The following EXD2 variants were observed in gnomAD, a reference collection of about 807,000 sequenced individuals.
The protein encoded by EXD2 is exonuclease 3'-5' domain containing 2, also known as exonuclease 3'-5' domain-containing protein 2.
A neutral mutation model predicts 62.5 loss-of-function variants in EXD2; 40 were observed. That is an observed-to-expected ratio of 0.64 (90% CI 0.50 to 0.83). The LOEUF is 0.83. EXD2 is among the 40% of genes least tolerant of loss of function. The probability of loss-of-function intolerance (pLI) is 0.00; values close to 1 mark genes in which losing one functional copy is unlikely to be tolerated. For missense variants in EXD2, 671 were observed against 761.8 expected (o/e 0.88, Z 1.40); for synonymous variants, 239 against 291.9 (o/e 0.82, Z 1.85).
intron 1 of EXD2, among the ~76,000 whole-genome samples, chr14:69,193,012 G>A (rs951530652): frequency 2.6e-5 from 4 of 151,658 alleles, no homozygotes; most frequent in African/African-American, 9.7e-5. Context: ...ATTTAGGAAT[G>A]CCAAACTGCC....
chr14:69,208,233 C>T (rs573188914), intron 2 of EXD2, among the ~76,000 whole-genome samples: 1,042 of 96,258 alleles, frequency 0.011, 24 homozygotes, highest in African/African-American at 0.043. Context: ...TTTTTTGAGA[C>T]GGAGTCTCAC....
rs370603900 is a variant in EXD2 at position 69,230,437 on chromosome 14, C to T, written c.591-35C>T. ...GATTTTCTTGTCCATGTCCTTTGCC[C>T]GTTTTTGATGCATGGTTTTCTTTGT... is the stretch of plus-strand genomic sequence containing the variant. On this transcript the variant is annotated intron_variant, in intron 4 of 9. Coordinates refer to ENST00000685843, the MANE Select transcript of EXD2 (RefSeq NM_001193360.2). 1.2e-5 allele frequency: 18 copies of T among 1,507,876 alleles called. No individual in the cohort carries two copies. In the African/African-American group the frequency reaches 1.2e-4, roughly 10 times the overall value. The allele number at this position is 1,507,876 out of a possible 1,614,324, so 93.4% of individuals were successfully genotyped here. A position where few individuals can be genotyped will look rare whatever the true frequency, so the allele number is the denominator to read the frequency against.
chr14:69,231,280 T>G (rs2140013179), intron 5 of EXD2, among the ~76,000 whole-genome samples: 1 of 152,298 alleles, frequency 6.6e-6, no homozygotes, highest in Non-Finnish European at 1.5e-5. Context: ...GCAACCACTT[T>G]CATTTCTTTC....
At chr14:69,209,824 TAA>T (rs199733370) in intron 3 of EXD2, 21 bp downstream of exon 3, 30,840 of 1,011,174 alleles carry the variant, frequency 0.03, no homozygotes, top group South Asian at 0.04. Context: ...AAGCAAAAGT[TAA>T]AAAAAAAAAA....
At chr14:69,206,642 A>G (rs1242449510) in intron 2 of EXD2, among the ~76,000 whole-genome samples, 3 of 151,420 alleles carry the variant, frequency 2.0e-5, no homozygotes, top group Non-Finnish European at 4.4e-5. Flanking sequence ...CACCACGCCC[A>G]GCTAATTTTT....
Position 69,209,949 on chromosome 14 carries a change from A to C in EXD2, c.333+146A>C, listed in dbSNP as rs1413924495. On this transcript the variant is annotated intron_variant, in intron 3 of 9. Coordinates refer to ENST00000685843, the MANE Select transcript of EXD2 (RefSeq NM_001193360.2). ...CTTGCTTATAAGCAGATTTTAGCAGAAGAAGAAGCTGCTGTTCCTCTCAGG... is the reference window on the plus strand; with the variant it reads ...CTTGCTTATAAGCAGATTTTAGCAGCAGAAGAAGCTGCTGTTCCTCTCAGG... The C allele has an allele frequency of 4.8e-6, 3 of 630,466 alleles. No individual in the cohort carries two copies. In the East Asian group the frequency reaches 8.9e-5, roughly 19 times the overall value. The allele number at this position is 630,466 out of a possible 1,614,324, so 39.1% of individuals were successfully genotyped here.
Position 69,241,340 on chromosome 14 carries a change from G to T in EXD2, c.*240G>T. The stretch of plus-strand genomic sequence containing the variant: ...CCTCTCATTTTTGTGGACAAGAGAG[G>T]CCTTCGCCTTTATTTTTACTCTCCC... On this transcript the variant is annotated 3_prime_UTR_variant, in exon 10 of 10. Transcript: ENST00000685843. The T allele has an allele frequency of 2.2e-6, 1 of 464,402 alleles. No individual in the cohort carries two copies. Among genetic ancestry groups the T allele is most frequent in the South Asian group, 4.1e-5 (1 of 24,490 alleles). The allele number at this position is 464,402 out of a possible 1,614,324, so 28.8% of individuals were successfully genotyped here. A position where few individuals can be genotyped will look rare whatever the true frequency, so the allele number is the denominator to read the frequency against.
intron 1 of EXD2, among the ~76,000 whole-genome samples, chr14:69,201,935 G>A (rs1273105459): frequency 6.6e-6 from 1 of 151,870 alleles, no homozygotes; most frequent in Non-Finnish European, 1.5e-5. Context: ...ACCTGCCTCG[G>A]CCTCCCAAAG....
chr14:69,236,669 T>C, intron 8 of EXD2, 127 bp downstream of exon 8: 1 of 1,250,332 alleles, frequency 8.0e-7, no homozygotes, highest in East Asian at 2.3e-5. Context: ...GTTCCTAGTA[T>C]CCAGCTTCCC....
intron 1 of EXD2, among the ~76,000 whole-genome samples, chr14:69,201,752 G>T (rs1016153956): frequency 7.0e-6 from 1 of 142,140 alleles, no homozygotes; most frequent in African/African-American, 2.7e-5. Flanking sequence ...GTGCAATCTC[G>T]GCTTACTGCA....
chr14:69,213,379 T>C (rs1220155208), intron 3 of EXD2, among the ~76,000 whole-genome samples: 1,683 of 19,184 alleles, frequency 0.088, 30 homozygotes, highest in African/African-American at 0.37. Flanking sequence ...GGCCCTTTTT[T>C]TTTTTTTTTT....
Position 69,229,034 on chromosome 14 carries a change from G to C in EXD2, c.552G>C (p.Arg184Ser), listed in dbSNP as rs748798518. Reference protein sequence around the residue: ...KLLQDYGLVVRGCLDLRYLAM... With the variant: ...KLLQDYGLVVSGCLDLRYLAM... The stretch of plus-strand genomic sequence containing the variant: ...TGCAGGATTATGGCCTCGTTGTTAG[G>C]GGGTGCCTGGACCTCCGATACCTAG... Residue 184 changes from arginine (R) to serine (S), a missense_variant, in exon 4 of 10, where the codon AGG becomes AGC. By Grantham distance (110) the Arg-to-Ser change is moderately radical. Transcript: ENST00000685843. 2.5e-6 allele frequency: 4 copies of C among 1,614,088 alleles called. No individual in the cohort carries two copies. Among genetic ancestry groups the C allele is most frequent in the Non-Finnish European group, 3.4e-6 (4 of 1,180,044 alleles).
chr14:69,204,392 T>A (rs148426878), intron 2 of EXD2, among the ~76,000 whole-genome samples: 2,016 of 152,146 alleles, frequency 0.013, 42 homozygotes, highest in African/African-American at 0.047. Context: ...CAATATAGTG[T>A]GACCCGCATC....
chr14:69,233,520 GGGTTCAAGCCCCA>G (rs1457358577), intron 5 of EXD2, among the ~76,000 whole-genome samples: 1 of 151,838 alleles, frequency 6.6e-6, no homozygotes, highest in East Asian at 1.9e-4. Flanking sequence ...TCTGCCTCCT[GGGTTCAAGCCCCA>G]GGTTCAAGCG....
chr14:69,211,938 G>A (rs2042818051), intron 3 of EXD2, among the ~76,000 whole-genome samples: 1 of 152,160 alleles, frequency 6.6e-6, no homozygotes, highest in African/African-American at 2.4e-5. Flanking sequence ...CTTTTGATGT[G>A]TATTAAACTC....
Position 69,209,705 on chromosome 14 carries a change from G to C in EXD2, c.235G>C (p.Val79Leu). The C allele has an allele frequency of 1.3e-6, 2 of 1,550,460 alleles. No individual in the cohort carries two copies. The highest frequency in any genetic ancestry group is 2.7e-5 in the African/African-American group (2 of 73,124). The change falls in exon 3 of 10, where the codon GTG becomes CTG. Residue 79 changes from valine to leucine, a missense_variant. Physicochemically the swap from Val to Leu is conservative, Grantham distance 32. Transcript: ENST00000685843. ...GAAGGAACGGATCCTTAAAGCAAAG[G>C]TGGTGACGGTGTCTCAGGAGGCAGA... ...SWKERILKAK[V>L]VTVSQEAEWD...
intron 3 of EXD2, among the ~76,000 whole-genome samples, chr14:69,219,468 T>A (rs2043098139): frequency 6.6e-6 from 1 of 152,230 alleles, no homozygotes; most frequent in Non-Finnish European, 1.5e-5. Flanking sequence ...TGTGCAGCTA[T>A]CTCTTTGACA....
chr14:69,239,774 G>C (rs1238905261), intron 9 of EXD2, among the ~76,000 whole-genome samples: 4 of 152,188 alleles, frequency 2.6e-5, no homozygotes, highest in African/African-American at 9.7e-5. Context: ...GCTAATTTTT[G>C]TATTTTTAGT....
intron 3 of EXD2, among the ~76,000 whole-genome samples, chr14:69,211,889 A>C (rs1177311716): frequency 6.6e-6 from 1 of 152,206 alleles, no homozygotes; most frequent in Non-Finnish European, 1.5e-5. Context: ...GGCATAGAAA[A>C]GTTAAAGTGG....
Sources: gnomAD v4.1 joint callset for allele counts (sites outside exome capture counted in the v4.1 genomes callset) on GRCh38, gnomAD v4.1.1 for gene constraint, MANE v1.5 for transcripts, NCBI Gene and HGNC (gene_info 2026-07-23, HGNC 2026-07-21) for gene names.